The following CDYL2 variants were observed in gnomAD, a reference collection of about 807,000 sequenced individuals.
CDYL2 encodes chromodomain Y like 2, also known as chromodomain Y-like protein 2.
In CDYL2, 23 loss-of-function variants were observed where a neutral mutation model predicts 49.4. The ratio of observed to expected loss-of-function variants is 0.47; its 90% CI spans 0.34 to 0.66. The LOEUF (loss-of-function observed/expected upper bound fraction) is 0.66. Ranked by LOEUF, CDYL2 falls within the 30% of genes least tolerant of loss-of-function variation. The pLI is 0.01. For missense variants in CDYL2, 678 were observed against 656.4 expected (o/e 1.03, Z -0.36); for synonymous variants, 360 against 268.8 (o/e 1.34, Z -3.32).
At chr16:80,685,825 G>C (rs1910167752) in intron 1 of CDYL2, among the ~76,000 whole-genome samples, 1 of 152,160 alleles carries the variant, frequency 6.6e-6, no homozygotes, top group African/African-American at 2.4e-5. Flanking sequence ...TCTCACCTCA[G>C]ACTTATTCTC....
At chr16:80,761,171 C>T (rs1471236504) in intron 1 of CDYL2, among the ~76,000 whole-genome samples, 1 of 152,158 alleles carries the variant, frequency 6.6e-6, no homozygotes, top group Admixed American at 6.5e-5. Flanking sequence ...CCTACTGAAT[C>T]AGAAACTCAG....
chr16:80,760,734 C>T (rs573858837), intron 1 of CDYL2, among the ~76,000 whole-genome samples: 1 of 151,522 alleles, frequency 6.6e-6, no homozygotes, highest in South Asian at 2.1e-4. Flanking sequence ...ATCTTATAAG[C>T]CAAACAGATC....
At chr16:80,769,611 AG>A (rs1446639445) in intron 1 of CDYL2, among the ~76,000 whole-genome samples, 1 of 152,200 alleles carries the variant, frequency 6.6e-6, no homozygotes, top group Admixed American at 6.5e-5. Flanking sequence ...TCATGTCAAC[AG>A]GAAGTACAAA....
At chr16:80,684,411 G>T in intron 2 of CDYL2, 127 bp downstream of exon 2, 1 of 849,098 alleles carries the variant, frequency 1.2e-6, no homozygotes, top group Non-Finnish European at 1.8e-6. Context: ...AGAGATGAAG[G>T]GGGAATTGCT....
chr16:80,781,571 A>T (rs1296542428), intron 1 of CDYL2, among the ~76,000 whole-genome samples: 2 of 152,168 alleles, frequency 1.3e-5, no homozygotes, highest in Admixed American at 1.3e-4. Context: ...ACCCAACAAC[A>T]ACAGAGCATA....
chr16:80,776,984 A>C (rs577929101), intron 1 of CDYL2, among the ~76,000 whole-genome samples: 1 of 151,654 alleles, frequency 6.6e-6, no homozygotes, highest in South Asian at 2.1e-4. Flanking sequence ...CGCCCGGCTA[A>C]TTTTTTGTTT....
At chr16:80,712,081 ATG>A (rs1444827245) in intron 1 of CDYL2, among the ~76,000 whole-genome samples, 5 of 147,364 alleles carry the variant, frequency 3.4e-5, no homozygotes, top group East Asian at 3.9e-4. Context: ...GTGTATATAG[ATG>A]TGTGTGTATA....
intron 2 of CDYL2, among the ~76,000 whole-genome samples, chr16:80,641,192 G>C (rs957566349): frequency 4.6e-5 from 7 of 152,100 alleles, no homozygotes; most frequent in Non-Finnish European, 8.8e-5. Context: ...ATAAAGAAAA[G>C]ATTCCAAAAG....
chr16:80,702,647 G>A (rs1186666815), intron 1 of CDYL2, among the ~76,000 whole-genome samples: 1 of 152,170 alleles, frequency 6.6e-6, no homozygotes, highest in Non-Finnish European at 1.5e-5. Context: ...CTACTCGGGA[G>A]GCTGAGGCTG....
chr16:80,749,319 C>T (rs1234953722), intron 1 of CDYL2, among the ~76,000 whole-genome samples: 1 of 152,126 alleles, frequency 6.6e-6, no homozygotes, highest in Non-Finnish European at 1.5e-5. Flanking sequence ...ATGCATAAAG[C>T]AGTTGGTCAC....
chr16:80,623,231 C>T (rs748090648), intron 3 of CDYL2, among the ~76,000 whole-genome samples: 1 of 152,136 alleles, frequency 6.6e-6, no homozygotes, highest in Non-Finnish European at 1.5e-5. Flanking sequence ...GGTCCACATG[C>T]GCCTCTGGGG....
intron 1 of CDYL2, among the ~76,000 whole-genome samples, chr16:80,704,646 G>A (rs1904342170): frequency 6.6e-6 from 1 of 152,242 alleles, no homozygotes. Flanking sequence ...CAGAATGGAA[G>A]GAAGAGCTGC....
At chr16:80,685,159 C>T in intron 1 of CDYL2, 30 bp from the exon 2 acceptor site, 3 of 1,555,868 alleles carry the variant, frequency 1.9e-6, no homozygotes, top group Non-Finnish European at 2.6e-6. Flanking sequence ...GGTCAGAAAA[C>T]AGAGAGAGAG....
intron 3 of CDYL2, among the ~76,000 whole-genome samples, chr16:80,629,810 T>C (rs932319214): frequency 6.6e-6 from 1 of 152,234 alleles, no homozygotes; most frequent in East Asian, 1.9e-4. Context: ...GGTTCCTCCA[T>C]TCACAAGCAA....
At chr16:80,769,919 G>C (rs1007275723) in intron 1 of CDYL2, among the ~76,000 whole-genome samples, 5 of 151,972 alleles carry the variant, frequency 3.3e-5, no homozygotes, top group Non-Finnish European at 7.4e-5. Flanking sequence ...TGGAAATAAG[G>C]GTTTAAGAAT....
At chr16:80,775,721 A>G (rs1907060736) in intron 1 of CDYL2, among the ~76,000 whole-genome samples, 1 of 151,912 alleles carries the variant, frequency 6.6e-6, no homozygotes, top group Non-Finnish European at 1.5e-5. Flanking sequence ...AAACCTAACA[A>G]ATACATCTAG....
chr16:80,750,604 T>A (rs1014727989), intron 1 of CDYL2, among the ~76,000 whole-genome samples: 3 of 152,134 alleles, frequency 2.0e-5, no homozygotes, highest in African/African-American at 7.2e-5. Context: ...AAAAATATAT[T>A]ATCAAAATTA....
At chr16:80,640,023 C>G (rs57013064) in intron 2 of CDYL2, among the ~76,000 whole-genome samples, 20 of 151,872 alleles carry the variant, frequency 1.3e-4, no homozygotes, top group African/African-American at 4.6e-4. Context: ...CTAGATAAAC[C>G]TGAAAGGTGG....
chr16:80,761,360 G>C (rs1002177633), intron 1 of CDYL2, among the ~76,000 whole-genome samples: 10 of 152,334 alleles, frequency 6.6e-5, no homozygotes, highest in Non-Finnish European at 1.5e-4. Flanking sequence ...CTGTGAATTT[G>C]GGTTCATCGA....
Sources: gnomAD v4.1 joint callset for allele counts (sites outside exome capture counted in the v4.1 genomes callset) on GRCh38, gnomAD v4.1.1 for gene constraint, MANE v1.5 for transcripts, NCBI Gene and HGNC (gene_info 2026-07-23, HGNC 2026-07-21) for gene names.